PEX5L: variants seen among roughly 807,000 people sequenced by gnomAD.
PEX5L encodes the protein peroxisomal biogenesis factor 5 like, also known as PEX5-related protein.
Under a neutral mutation model 84.0 loss-of-function variants are expected in PEX5L, and 30 were observed. The ratio of observed to expected loss-of-function variants is 0.36; its 90% CI spans 0.27 to 0.48. The LOEUF (loss-of-function observed/expected upper bound fraction) is 0.48. Among genes scored for constraint, PEX5L ranks in the 20% least tolerant of loss-of-function variants. PEX5L has a pLI of 0.99. For missense variants in PEX5L, 533 were observed against 754.6 expected (o/e 0.71, Z 3.44); for synonymous variants, 270 against 283.1 (o/e 0.95, Z 0.46).
At chr3:179,908,934 G>T (rs559273635) in intron 2 of PEX5L, among the ~76,000 whole-genome samples, 39 of 152,094 alleles carry the variant, frequency 2.6e-4, no homozygotes, top group Non-Finnish European at 5.4e-4. Flanking sequence ...CTACTTCATA[G>T]ATTTTTGAGA....
Position 180,015,293 on chromosome 3 carries a change from T to TG in PEX5L, c.21+21285dup, listed in dbSNP as rs1400113095. 4.6e-5 allele frequency among the ~76,000 whole-genome samples: 7 copies of TG among 152,338 alleles called. No individual in the cohort carries two copies. In the East Asian group the frequency reaches 7.7e-4, roughly 17 times the overall value. The stretch of plus-strand genomic sequence containing the variant: ...TAAATAATATTGTATACAAGGGAGT[T>TG]GACTCTGGAGCCAAATTTCTGGTTC... On this transcript the variant is annotated intron_variant, in intron 1 of 14. Coordinates refer to ENST00000467460, the MANE Select transcript of PEX5L (RefSeq NM_016559.3).
intron 2 of PEX5L, among the ~76,000 whole-genome samples, chr3:179,910,420 T>C (rs1764756150): frequency 6.6e-6 from 1 of 152,240 alleles, no homozygotes. Context: ...AAGCTATTTG[T>C]TTCCAGCTAA....
rs1261384294 is a variant in PEX5L at position 179,820,942 on chromosome 3, T to A, written c.823-966A>T. On this transcript the variant is annotated intron_variant, in intron 8 of 14. Transcript: ENST00000467460. ...AGACTGGTGCTCAGTTTTTAGCTAT[T>A]TCCCAGGCAAACGAGCTTGATATCA... 2.6e-5 allele frequency among the ~76,000 whole-genome samples: 4 copies of A among 152,136 alleles called. No homozygotes were observed. The South Asian group carries it at 8.3e-4, about 31-fold the overall frequency.
intron 5 of PEX5L, among the ~76,000 whole-genome samples, chr3:179,878,449 C>A (rs542666290): frequency 2.6e-5 from 4 of 152,200 alleles, no homozygotes; most frequent in Non-Finnish European, 5.9e-5. Context: ...TCTCCTCCCC[C>A]AGTCTTCAGT....
At chr3:180,009,011 A>G (rs570159090) in intron 1 of PEX5L, among the ~76,000 whole-genome samples, 1 of 152,378 alleles carries the variant, frequency 6.6e-6, no homozygotes, top group East Asian at 1.9e-4. Flanking sequence ...CATTGTGTAT[A>G]AACATAGTGT....
At chr3:179,879,077 A>G (rs1190903216) in intron 5 of PEX5L, among the ~76,000 whole-genome samples, 1 of 152,208 alleles carries the variant, frequency 6.6e-6, no homozygotes, top group East Asian at 1.9e-4. Flanking sequence ...AGCTATGAAT[A>G]TGATCTCCTT....
chr3:179,841,813 A>G (rs1358547342), intron 8 of PEX5L, among the ~76,000 whole-genome samples: 1 of 152,192 alleles, frequency 6.6e-6, no homozygotes, highest in Non-Finnish European at 1.5e-5. Context: ...TATTTTACTG[A>G]AACAGGAGGT....
intron 8 of PEX5L, among the ~76,000 whole-genome samples, chr3:179,836,273 CAG>C (rs1366822526): frequency 6.6e-6 from 1 of 152,128 alleles, no homozygotes; most frequent in Admixed American, 6.5e-5. Flanking sequence ...AAATATTTGG[CAG>C]AGTGGCTGGA....
chr3:180,025,369 A>G (rs771391121), intron 1 of PEX5L, among the ~76,000 whole-genome samples: 1 of 152,236 alleles, frequency 6.6e-6, no homozygotes, highest in Non-Finnish European at 1.5e-5. Flanking sequence ...AAGAGTATAT[A>G]CTTTGCACTA....
At chr3:179,977,428 T>C (rs927121007) in intron 1 of PEX5L, among the ~76,000 whole-genome samples, 10 of 152,182 alleles carry the variant, frequency 6.6e-5, no homozygotes, top group African/African-American at 2.2e-4. Flanking sequence ...ATATGCCCCT[T>C]TCCTCTTGAC....
At chr3:179,938,440 T>A (rs899403501) in intron 2 of PEX5L, among the ~76,000 whole-genome samples, 2 of 152,228 alleles carry the variant, frequency 1.3e-5, no homozygotes, top group African/African-American at 4.8e-5. Flanking sequence ...TAACAAGAGC[T>A]GTTTAGTATA....
At chr3:179,883,643 C>T (rs1441762634) in intron 4 of PEX5L, among the ~76,000 whole-genome samples, 2 of 152,016 alleles carry the variant, frequency 1.3e-5, no homozygotes, top group South Asian at 2.1e-4. Flanking sequence ...ATTAGCCGGG[C>T]GTGGTGGCAC....
chr3:179,850,734 T>C (rs919513874), intron 8 of PEX5L, among the ~76,000 whole-genome samples: 6 of 152,224 alleles, frequency 3.9e-5, no homozygotes, highest in Non-Finnish European at 5.9e-5. Context: ...AAGAATGTTT[T>C]CATACATTAT....
At chr3:179,817,230 A>C (rs1726501507) in intron 9 of PEX5L, among the ~76,000 whole-genome samples, 2 of 152,248 alleles carry the variant, frequency 1.3e-5, no homozygotes. Flanking sequence ...TAAAAATTTA[A>C]AGAATACAGG....
At chr3:179,888,925 C>T (rs1756770377) in intron 3 of PEX5L, among the ~76,000 whole-genome samples, 1 of 151,406 alleles carries the variant, frequency 6.6e-6, no homozygotes, top group Non-Finnish European at 1.5e-5. Context: ...CCACTATGGC[C>T]GGCTAATTTT....
intron 3 of PEX5L, chr3:179,895,731 A>T (rs1759051615): frequency 6.6e-6 from 1 of 152,168 alleles, no homozygotes; most frequent in Non-Finnish European, 1.5e-5. Flanking sequence ...AAAGTTCTAG[A>T]ATATGGGATT....
In PEX5L at chr3:179,937,577, T is replaced by C. The variant is rs148128724; in HGVS notation, c.93+34017A>G. 6.0e-3 allele frequency among the ~76,000 whole-genome samples: 918 copies of C among 152,294 alleles called. 7 individuals are homozygous for C. Among genetic ancestry groups the C allele is most frequent in the East Asian group, 0.025 (131 of 5,178 alleles). On this transcript the variant is annotated intron_variant, in intron 2 of 14. Coordinates refer to ENST00000467460, the MANE Select transcript of PEX5L (RefSeq NM_016559.3). ...TATTTCTCCAGGAAAGACCAGTGTG[T>C]TCCCTAGTTCCAACTACACAGAACC...
intron 8 of PEX5L, among the ~76,000 whole-genome samples, chr3:179,822,330 C>T (rs530786132): frequency 9.2e-5 from 14 of 152,238 alleles, no homozygotes; most frequent in Admixed American, 6.5e-4. Flanking sequence ...GGATGCATTA[C>T]CTTTGTTGCA....
rs919339968 is a variant in PEX5L, at chr3:179,797,613, T to A, written c.*4215A>T. ...TTAAAAAAAAAAAAAAAAATATATA[T>A]ATATATATATATATATATCTACTTC... On this transcript the variant is annotated 3_prime_UTR_variant, in exon 15 of 15. Coordinates refer to ENST00000467460, the MANE Select transcript of PEX5L (RefSeq NM_016559.3). The A allele has an allele frequency of 3.9e-4, 55 of 142,208 alleles. No homozygotes were observed. The highest frequency in any genetic ancestry group is 7.9e-4 in the East Asian group (4 of 5,038). 8.8% of individuals were successfully genotyped at this position (142,208 alleles called of 1,614,324 possible).
Sources: gnomAD v4.1 joint callset for allele counts (sites outside exome capture counted in the v4.1 genomes callset) on GRCh38, gnomAD v4.1.1 for gene constraint, MANE v1.5 for transcripts, NCBI Gene and HGNC (gene_info 2026-07-23, HGNC 2026-07-21) for gene names.